Variants in SARDH observed in about 807,000 individuals in gnomAD.
The protein encoded by SARDH is sarcosine dehydrogenase, mitochondrial.
A neutral mutation model predicts 109.1 loss-of-function variants in SARDH; 95 were observed. That is an observed-to-expected ratio of 0.87 (90% CI 0.74 to 1.03). The LOEUF (loss-of-function observed/expected upper bound fraction) is 1.03, where lower values mean the gene tolerates loss of function less well. SARDH is among the 50% of genes least tolerant of loss of function. SARDH has a pLI of 0.00. For synonymous variants in SARDH, 572 were observed against 534.8 expected, an observed-to-expected ratio of 1.07 and a Z score of -0.96; for missense variants, 1,267 against 1,287.8, an observed-to-expected ratio of 0.98 and a Z score of 0.25.
chr9:133,713,202 T>A, intron 8 of SARDH, 78 bp from the exon 9 acceptor site: 1 of 1,324,568 alleles, frequency 7.5e-7, no homozygotes, highest in Non-Finnish European at 1.1e-6. Flanking sequence ...AAGAGAGCAG[T>A]GATCAGGCAG....
chr9:133,734,348 T>TTCATTCATTCAC (rs1564303891), intron 1 of SARDH, 145 bp from the exon 2 acceptor site: 97 of 380,748 alleles, frequency 2.5e-4, no homozygotes, highest in Non-Finnish European at 3.0e-4. Flanking sequence ...CATTCACTCA[T>TTCATTCATTCAC]TCATTCATTC....
At chr9:133,725,616 C>T (rs1275723507) in intron 6 of SARDH, 7 of 373,354 alleles carry the variant, frequency 1.9e-5, no homozygotes, top group East Asian at 8.2e-5. Context: ...GCGGAGGTTG[C>T]AGTGAGCTGA....
Position 133,709,471 on chromosome 9 carries a change from C to G in SARDH, c.1329-1043G>C, listed in dbSNP as rs675713. 0.61 allele frequency among the ~76,000 whole-genome samples: 93,284 copies of G among 151,924 alleles called. 29,070 individuals carry two copies. The highest frequency in any genetic ancestry group is 0.73 in the South Asian group (3,530 of 4,810). On this transcript the variant is annotated intron_variant, in intron 10 of 20. Transcript: ENST00000439388. The surrounding 1 kb of genome is among the most constrained non-coding windows in gnomAD (Gnocchi z 4.2). ...GGCTTTCCCAGCACCCCGCCTCCCC[C>G]TCACGCTCCACCTGCTAGAACCTCA...
chr9:133,698,031 GA>G (rs935835471), intron 13 of SARDH, among the ~76,000 whole-genome samples: 1 of 105,856 alleles, frequency 9.4e-6, no homozygotes, highest in Admixed American at 9.8e-5. Context: ...AGAAAAAAAA[GA>G]AAAAAAACTG....
intron 17 of SARDH, among the ~76,000 whole-genome samples, chr9:133,683,499 C>T (rs916151165): frequency 2.0e-5 from 3 of 152,230 alleles, no homozygotes; most frequent in Non-Finnish European, 2.9e-5. Context: ...GAGCTGGAGT[C>T]GGGCCATCTG....
intron 13 of SARDH, among the ~76,000 whole-genome samples, chr9:133,698,325 G>C (rs1305548373): frequency 6.6e-6 from 1 of 152,146 alleles, no homozygotes; most frequent in African/African-American, 2.4e-5. Flanking sequence ...ACTTACTATT[G>C]TTGAAATGAC....
chr9:133,702,928 G>C lies in SARDH; in HGVS notation c.1656C>G (p.Pro552=). The C allele has an allele frequency of 6.2e-7, 1 of 1,612,224 alleles. No individual in the cohort carries two copies. Among genetic ancestry groups the C allele is most frequent in the Non-Finnish European group, 8.5e-7 (1 of 1,179,938 alleles). The change falls in exon 13 of 21, where the codon CCC becomes CCG. Residue 552 remains proline (P), a synonymous_variant. Transcript: ENST00000439388. ...LADEYTFAFP[P]HHDTIKKECL... is the part of the protein sequence containing the mutation. Reference sequence around the variant, plus strand: ...CCCAGCTACGCACCGTGTCGTGGTGGGGCGGGAAGGCGAAGGTGTACTCGT... The same window carrying C: ...CCCAGCTACGCACCGTGTCGTGGTGCGGCGGGAAGGCGAAGGTGTACTCGT...
chr9:133,702,829 CT>C (rs1309601180), intron 13 of SARDH, 86 bp downstream of exon 13: 2 of 1,241,136 alleles, frequency 1.6e-6, no homozygotes, highest in Non-Finnish European at 2.3e-6. Context: ...AGGGGAGCCC[CT>C]GCAGGGCCAG....
Position 133,703,384 on chromosome 9 carries a change from T to TCCTGCTCTGGGCCAGCC in SARDH, c.1555-372_1555-356dup, listed in dbSNP as rs964171588. ...GAGCCACGGCAATCCCAGGCCCAGC[T>TCCTGCTCTGGGCCAGCC]CCTGCTCTGGGCCAGCCCCTGCGGG... On this transcript the variant is annotated intron_variant, in intron 12 of 20. Transcript: ENST00000439388. 9.2e-6 allele frequency: 3 copies of TCCTGCTCTGGGCCAGCC among 324,616 alleles called. No homozygotes were observed. The Admixed American group carries it at 1.2e-4, about 13-fold the overall frequency. The allele number at this position is 324,616 out of a possible 1,614,324, so 20.1% of individuals were successfully genotyped here.
intron 19 of SARDH, chr9:133,667,192 TG>T (rs201062562): frequency 2.3e-5 from 10 of 430,444 alleles, no homozygotes; most frequent in East Asian, 3.9e-5. Context: ...TGTTCAACTC[TG>T]GTTTTTTTTT....
Position 133,717,438 on chromosome 9 carries a change from G to A in SARDH, c.1038C>T (p.Ala346=), listed in dbSNP as rs1453756601. 4 of 1,614,114 alleles carry A rather than the reference G, an allele frequency of 2.5e-6. No individual in the cohort carries two copies. Among genetic ancestry groups the A allele is most frequent in the Non-Finnish European group, 2.5e-6 (3 of 1,179,992 alleles). Residue 346 remains alanine (A), a synonymous_variant, in exon 8 of 21, where the codon GCC becomes GCT. Transcript: ENST00000439388. ...IFWEEVSDKF[A]FGLFDLDWEV... is the part of the protein sequence containing the mutation. ...CCCAGTCCAGGTCAAAGAGGCCGAA[G>A]GCAAACTTGTCTGACACCTGCCAAG...
intron 1 of SARDH, among the ~76,000 whole-genome samples, 166 bp from the exon 2 acceptor site, chr9:133,734,369 T>A (rs1221900866): frequency 6.8e-6 from 1 of 146,500 alleles, no homozygotes; most frequent in Non-Finnish European, 1.5e-5. Flanking sequence ...ATTCACTCAT[T>A]CATTCATTCA....
At position 133,728,688 on chromosome 9, in the gene SARDH, GTGTC is replaced by G. The variant is rs1394142754; in HGVS notation, c.915+1073_915+1076del. On this transcript the variant is annotated intron_variant, in intron 6 of 20. Transcript: ENST00000439388. The surrounding 1 kb of genome is among the most constrained non-coding windows in gnomAD (Gnocchi z 5.0). ...CCCAGCTCTACCCAGCAAGAACTAGGTGTCTGTCTGTGTTATGGCCACAGCTTCT... is the reference window on the plus strand; with the variant it reads ...CCCAGCTCTACCCAGCAAGAACTAGGTGTCTGTGTTATGGCCACAGCTTCT... Among the ~76,000 whole-genome samples the G allele has an allele frequency of 6.6e-6, 1 of 152,152 alleles. No individual in the cohort carries two copies. Among genetic ancestry groups the G allele is most frequent in the African/African-American group, 2.4e-5 (1 of 41,416 alleles).
In SARDH at chr9:133,730,236, G is replaced by A. The variant is rs557128944; in HGVS notation, c.691-49C>T. The A allele has an allele frequency of 2.1e-5, 33 of 1,603,770 alleles. 1 individual carries two copies. In the East Asian group the frequency reaches 2.2e-4, roughly 11 times the overall value. Reference sequence around the variant, plus strand: ...TAAAATCCCACGGGACTCCCCGGGGGTGCTTCCCACCCCACTCCAACCAAC... The same window carrying A: ...TAAAATCCCACGGGACTCCCCGGGGATGCTTCCCACCCCACTCCAACCAAC... On this transcript the variant is annotated intron_variant, in intron 4 of 20. Coordinates refer to ENST00000439388, the MANE Select transcript of SARDH (RefSeq NM_001134707.2).
At chr9:133,719,185 T>G in intron 6 of SARDH, 143 bp from the exon 7 acceptor site, 1 of 646,956 alleles carries the variant, frequency 1.5e-6, no homozygotes, top group African/African-American at 1.8e-5. Flanking sequence ...GAGGACAGAG[T>G]GGACACGGGG....
chr9:133,705,183 T>C (rs987588840), intron 11 of SARDH, 152 bp from the exon 12 acceptor site: 14 of 714,938 alleles, frequency 2.0e-5, no homozygotes, highest in Non-Finnish European at 2.7e-5. Context: ...TGTTTGCAGC[T>C]ACCCTCACTG....
chr9:133,663,964 C>T lies in SARDH; in HGVS notation c.2682G>A (p.Gly894=), dbSNP rs1362834715. The part of the protein sequence containing the change: ...KSGDYALERM[G]VTYGAQAHLK... ...GGTGAGCCTGGGCACCATAGGTCAC[C>T]CCCATTCTCTCCAGGGCATAGTCCC... The change falls in exon 21 of 21, where the codon GGG becomes GGA. Residue 894 remains glycine, a synonymous_variant. Transcript: ENST00000439388. 1 of 1,614,038 alleles carries T rather than the reference C, an allele frequency of 6.2e-7. No homozygotes were observed. Among genetic ancestry groups the T allele is most frequent in the Non-Finnish European group, 8.5e-7 (1 of 1,180,032 alleles).
intron 14 of SARDH, 36 bp downstream of exon 14, chr9:133,696,187 T>C: frequency 6.2e-7 from 1 of 1,609,794 alleles, no homozygotes; most frequent in South Asian, 1.1e-5. Context: ...GCCCATGGAG[T>C]GACAGGAACA....
intron 16 of SARDH, among the ~76,000 whole-genome samples, chr9:133,688,990 C>T (rs1314690643): frequency 6.6e-6 from 1 of 152,196 alleles, no homozygotes; most frequent in African/African-American, 2.4e-5. Context: ...CGGTCCCTTG[C>T]AGCCTGAGAG....
Sources: gnomAD v4.1 joint callset for allele counts (sites outside exome capture counted in the v4.1 genomes callset) on GRCh38, gnomAD v4.1.1 for gene constraint, Gnocchi (gnomAD v3.1) non-coding constraint, MANE v1.5 for transcripts, NCBI Gene and HGNC (gene_info 2026-07-23, HGNC 2026-07-21) for gene names.